Variants in SYTL5 observed in about 807,000 individuals in gnomAD.
SYTL5 encodes synaptotagmin like 5.
A neutral mutation model predicts 55.9 loss-of-function variants in SYTL5; 34 were observed. That is an observed-to-expected ratio of 0.61 (90% CI 0.46 to 0.81). The LOEUF (loss-of-function observed/expected upper bound fraction) is 0.81. SYTL5 is among the 30% of genes least tolerant of loss of function. The probability of loss-of-function intolerance (pLI) is 0.00; values close to 1 mark genes in which losing one functional copy is unlikely to be tolerated. For synonymous variants in SYTL5, 221 were observed against 188.7 expected, an observed-to-expected ratio of 1.17 and a Z score of -1.40; for missense variants, 637 against 546.7, an observed-to-expected ratio of 1.17 and a Z score of -1.65.
chrX:38,099,664 A>G (rs946863176), intron 9 of SYTL5, among the ~76,000 whole-genome samples: 13 of 111,246 alleles, frequency 1.2e-4, no homozygotes, highest in African/African-American at 3.9e-4. Context: ...TTCTGATCTT[A>G]GAGGAAATGG....
At chrX:38,059,560 T>A (rs1332917354) in intron 3 of SYTL5, among the ~76,000 whole-genome samples, 1 of 112,138 alleles carries the variant, frequency 8.9e-6, no homozygotes, top group Non-Finnish European at 1.9e-5. Flanking sequence ...TAGGGAATAC[T>A]CCTTCAGAGA....
intron 10 of SYTL5, chrX:38,103,072 C>G: frequency 8.6e-7 from 1 of 1,158,328 alleles, no homozygotes; most frequent in East Asian, 3.3e-5. Flanking sequence ...CTAAATGTGC[C>G]TGATGCTGAC....
intron 15 of SYTL5, among the ~76,000 whole-genome samples, chrX:38,123,225 C>T (rs1174790290): frequency 1.8e-5 from 2 of 112,139 alleles, no homozygotes; most frequent in African/African-American, 6.5e-5. Context: ...CTGCAACCTC[C>T]GCTTCCCAGG....
intron 10 of SYTL5, 132 bp from the exon 11 acceptor site, chrX:38,106,461 G>A (rs931523252): frequency 3.9e-5 from 22 of 560,351 alleles, no homozygotes; most frequent in Non-Finnish European, 5.7e-5. Context: ...AGTGACTCTT[G>A]TTTTCTTTCC....
intron 2 of SYTL5, among the ~76,000 whole-genome samples, chrX:38,046,725 A>T (rs1182496402): frequency 8.9e-6 from 1 of 111,948 alleles, no homozygotes; most frequent in African/African-American, 3.3e-5. Context: ...AAAAGTCTGC[A>T]GTCCAAAGTC....
the SYTL5 span, among the ~76,000 whole-genome samples, chrX:37,894,367 C>T: frequency 9.0e-6 from 1 of 111,648 alleles, no homozygotes; most frequent in African/African-American, 3.3e-5. Context: ...GGAAATACTG[C>T]CAAACAGTTT....
intron 3 of SYTL5, among the ~76,000 whole-genome samples, chrX:38,066,565 T>C (rs1474907127): frequency 9.0e-6 from 1 of 111,410 alleles, no homozygotes; most frequent in Non-Finnish European, 1.9e-5. Context: ...GAGAGGGATA[T>C]AAATTTTATA....
the SYTL5 span, among the ~76,000 whole-genome samples, chrX:37,989,868 ATCT>A: frequency 6.8e-4 from 75 of 109,838 alleles, no homozygotes; most frequent in Non-Finnish European, 4.2e-4. Flanking sequence ...CTTATTGAAC[ATCT>A]TATTATTATT....
chrX:38,041,402 A>T lies in SYTL5; in HGVS notation c.119+7394A>T, dbSNP rs1340890005. On this transcript the variant is annotated intron_variant, in intron 2 of 16. Transcript: ENST00000297875. ...GTTTGACCTTCTCAAAAGCCTAAAG[A>T]CTCATTGTCCCCATAAAACACCAGG... 3.6e-5 allele frequency among the ~76,000 whole-genome samples: 4 copies of T among 111,952 alleles called. No homozygotes were observed. The East Asian group carries it at 1.1e-3, about 31-fold the overall frequency.
chrX:37,988,841 G>A, the SYTL5 span, among the ~76,000 whole-genome samples: 1 of 112,119 alleles, frequency 8.9e-6, no homozygotes, highest in Non-Finnish European at 1.9e-5. Context: ...ACAATTATGT[G>A]GAAAGCAGGA....
the SYTL5 span, chrX:37,946,437 G>A: frequency 4.3e-6 from 1 of 233,969 alleles, no homozygotes; most frequent in South Asian, 5.3e-5. Flanking sequence ...ATTTGGAATA[G>A]AAGCTGAATA....
intron 1 of SYTL5, among the ~76,000 whole-genome samples, chrX:38,010,170 A>G (rs1934129050): frequency 8.9e-6 from 1 of 112,271 alleles, no homozygotes; most frequent in Non-Finnish European, 1.9e-5. Flanking sequence ...TACTGATAAG[A>G]GTGTTGTAGG....
Position 38,089,468 on chromosome X carries a change from C to T in SYTL5, c.712C>T (p.Leu238Phe). ...SDRGSTGSSD[L>F]NDQEPGPRTP... ...TAGGGGAAGCACTGGCTCATCAGAT[C>T]TCAATGACCAGGAACCTGGTCCTAG... The change falls in exon 7 of 17, where the codon CTC (leucine) becomes TTC (phenylalanine). Residue 238 changes from leucine (L) to phenylalanine (F), a missense_variant. Transcript: ENST00000297875. 1 of 1,209,419 alleles carries T rather than the reference C, an allele frequency of 8.3e-7. No individual in the cohort carries two copies. Among genetic ancestry groups the T allele is most frequent in the Non-Finnish European group, 1.1e-6 (1 of 894,598 alleles).
rs200888867 is a variant in SYTL5 at position 38,054,388 on chromosome X, G to A, written c.295G>A (p.Gly99Ser). The A allele has an allele frequency of 1.7e-6, 2 of 1,209,416 alleles. No homozygotes were observed. The highest frequency in any genetic ancestry group is 3.5e-5 in the African/African-American group (2 of 56,978). ...GGAGTGTCGAGTTGCAGGCCCCAAT[G>A]GCAGCTGGAAGTGCACTGTCTGTGA... ...CRECRVAGPN[G>S]SWKCTVCDKI... is the part of the protein sequence containing the mutation. Residue 99 changes from glycine to serine, a missense_variant, in exon 3 of 17, where the codon GGC becomes AGC. Gly to Ser is a moderately conservative substitution (Grantham distance 56, BLOSUM62 0). Transcript: ENST00000297875.
At position 38,075,387 on chromosome X, in the gene SYTL5, A is replaced by C. The variant is rs184636698; in HGVS notation, c.555-1180A>C. Among the ~76,000 whole-genome samples, 843 of 112,037 alleles carry C rather than the reference A, an allele frequency of 7.5e-3. 7 individuals are homozygous for C. The highest frequency in any genetic ancestry group is 0.028 in the Middle Eastern group (6 of 217). ...CTTTCTAAAACAGAGGAGGGTGTTC[A>C]CCACAAGAGATATCCTAAGGTTATA... On this transcript the variant is annotated intron_variant, in intron 5 of 16. Coordinates refer to ENST00000297875, the MANE Select transcript of SYTL5 (RefSeq NM_138780.3).
At chrX:37,907,201 C>T in the SYTL5 span, among the ~76,000 whole-genome samples, 34 of 111,344 alleles carry the variant, frequency 3.1e-4, no homozygotes, top group Admixed American at 3.0e-3. Flanking sequence ...CAGAAAACAA[C>T]CCTGCTGATA....
At chrX:38,041,667 A>T (rs1413975454) in intron 2 of SYTL5, among the ~76,000 whole-genome samples, 1 of 112,200 alleles carries the variant, frequency 8.9e-6, no homozygotes, top group East Asian at 2.8e-4. Context: ...ACATTTAGGG[A>T]AACTAACTTT....
chrX:38,009,829 CCA>C lies in SYTL5; in HGVS notation c.-357+3164_-357+3165del, dbSNP rs1934118995. ...CTGCCCCCTGTGCACTCTCTGTGAA[CCA>C]CAGTTTCCTCAGACTCATTCTATCT... On this transcript the variant is annotated intron_variant, in intron 1 of 16. Transcript: ENST00000297875. Among the ~76,000 whole-genome samples, 4 of 112,107 alleles carry C rather than the reference CCA, an allele frequency of 3.6e-5. No homozygotes were observed. The South Asian group carries it at 1.5e-3, about 42-fold the overall frequency.
At chrX:37,966,436 C>CTTTTTTTTTTTTTTT in the SYTL5 span, among the ~76,000 whole-genome samples, 1 of 78,155 alleles carries the variant, frequency 1.3e-5, no homozygotes, top group Non-Finnish European at 2.4e-5. Context: ...TTTTCTTTTT[C>CTTTTTTTTTTTTTTT]TTTTTTTTTT....
Sources: allele counts gnomAD v4.1 joint callset (sites outside exome capture counted in the v4.1 genomes callset), GRCh38; gene constraint gnomAD v4.1.1; transcripts MANE v1.5; gene names NCBI Gene and HGNC (gene_info 2026-07-23, HGNC 2026-07-21).